The following PPP1CC variants were observed in gnomAD, a reference collection of about 807,000 sequenced individuals.
The protein encoded by PPP1CC is protein phosphatase 1 catalytic subunit gamma, also known as serine/threonine-protein phosphatase PP1-gamma catalytic subunit.
In PPP1CC, 16 loss-of-function variants were observed where a neutral mutation model predicts 38.4. That is an observed-to-expected ratio of 0.42 (90% CI 0.28 to 0.63). PPP1CC has a LOEUF of 0.63. PPP1CC is among the 30% of genes least tolerant of loss of function. PPP1CC has a pLI of 0.25. For missense variants in PPP1CC, 170 were observed against 391.3 expected, an observed-to-expected ratio of 0.43 and a Z score of 4.77; for synonymous variants, 158 against 136.0, an observed-to-expected ratio of 1.16 and a Z score of -1.13.
At chr12:110,741,760 G>A (rs2070019432) in intron 1 of PPP1CC, among the ~76,000 whole-genome samples, 2 of 152,204 alleles carry the variant, frequency 1.3e-5, no homozygotes, top group Non-Finnish European at 2.9e-5. Flanking sequence ...CCTTGGTTAA[G>A]TGACTTCATC....
At chr12:110,733,242 C>G (rs2069901560) in intron 1 of PPP1CC, among the ~76,000 whole-genome samples, 1 of 152,206 alleles carries the variant, frequency 6.6e-6, no homozygotes, top group African/African-American at 2.4e-5. Flanking sequence ...AAAACTTGGG[C>G]AGACTGCCCA....
the PPP1CC span, among the ~76,000 whole-genome samples, chr12:110,712,467 C>T: frequency 6.6e-6 from 1 of 150,760 alleles, no homozygotes; most frequent in Non-Finnish European, 1.5e-5. Context: ...TGGTGAAAAC[C>T]CGTCTCAACT....
chr12:110,721,814 C>A (rs1313027414), intron 6 of PPP1CC: 2 of 390,374 alleles, frequency 5.1e-6, no homozygotes, highest in Non-Finnish European at 9.1e-6. Flanking sequence ...GTACTTTTCA[C>A]ATTCAAGTGG....
Position 110,742,737 on chromosome 12 carries a change from G to A in PPP1CC, c.-30C>T. Reference sequence around the variant, plus strand: ...TTCCCACCGCCGACCCTCCCGCAGCGGCGCCGCCGCCGGCTCGCGCCCGGG... The same window carrying A: ...TTCCCACCGCCGACCCTCCCGCAGCAGCGCCGCCGCCGGCTCGCGCCCGGG... On this transcript the variant is annotated 5_prime_UTR_variant, in exon 1 of 7. Transcript: ENST00000335007. The A allele has an allele frequency of 7.2e-7, 1 of 1,386,736 alleles. No individual in the cohort carries two copies. The highest frequency in any genetic ancestry group is 9.4e-7 in the Non-Finnish European group (1 of 1,058,210). 85.9% of individuals were successfully genotyped at this position (1,386,736 alleles called of 1,614,324 possible).
Position 110,720,861 on chromosome 12 carries a change from G to A in PPP1CC, c.*215C>T, listed in dbSNP as rs190349752. 4.8e-4 allele frequency: 210 copies of A among 441,484 alleles called. 1 individual carries two copies. The highest frequency in any genetic ancestry group is 3.3e-3 in the Admixed American group (86 of 26,146). The allele number at this position is 441,484 out of a possible 1,614,324, so 27.3% of individuals were successfully genotyped here. ...TAAAATTGTTTGCAAAAGGAACAGA[G>A]AATTAAAAAACAAAACACTTTTCTT... On this transcript the variant is annotated 3_prime_UTR_variant, in exon 7 of 7. Coordinates refer to ENST00000335007, the MANE Select transcript of PPP1CC (RefSeq NM_002710.4).
chr12:110,712,635 CAAAAAAAAAAAAAAAA>C, the PPP1CC span, among the ~76,000 whole-genome samples: 4 of 37,666 alleles, frequency 1.1e-4, no homozygotes, highest in Non-Finnish European at 1.3e-4. Context: ...GAAACTGTCT[CAAAAAAAAAAAAAAAA>C]AAAAAAAAAA....
chr12:110,714,626 G>A, the PPP1CC span, among the ~76,000 whole-genome samples: 8 of 151,732 alleles, frequency 5.3e-5, no homozygotes, highest in Admixed American at 3.9e-4. Context: ...GGCCAACGTA[G>A]TAAAACCCCG....
intron 1 of PPP1CC, 23 bp from the exon 2 acceptor site, chr12:110,731,924 A>C: frequency 1.2e-6 from 2 of 1,606,944 alleles, no homozygotes; most frequent in Admixed American, 1.7e-5. Flanking sequence ...AATCGCAATT[A>C]GTCCAATGAA....
At chr12:110,732,056 A>C in intron 1 of PPP1CC, 155 bp from the exon 2 acceptor site, 1 of 743,554 alleles carries the variant, frequency 1.3e-6, no homozygotes, top group South Asian at 2.0e-5. Flanking sequence ...GTCTAATTAG[A>C]ATCTTAAAAT....
the PPP1CC span, among the ~76,000 whole-genome samples, chr12:110,708,850 CAAAAA>C: frequency 1.5e-5 from 1 of 65,432 alleles, no homozygotes; most frequent in African/African-American, 4.8e-5. Context: ...GAGTCCATCT[CAAAAA>C]AAAAAAAAAA....
intron 1 of PPP1CC, among the ~76,000 whole-genome samples, chr12:110,735,778 G>A (rs1361617913): frequency 2.0e-5 from 3 of 151,182 alleles, no homozygotes; most frequent in South Asian, 2.1e-4. Context: ...AAGAAACTCC[G>A]TCTCGGCCAG....
rs2069775816 is a variant in PPP1CC, at chr12:110,724,690, C to T, written c.493G>A (p.Val165Met). 1 of 1,613,162 alleles carries T rather than the reference C, an allele frequency of 6.2e-7. No homozygotes were observed. The highest frequency in any genetic ancestry group is 8.5e-7 in the Non-Finnish European group (1 of 1,179,276). The change falls in exon 4 of 7, where the codon GTG becomes ATG. Residue 165 changes from valine (V) to methionine (M), a missense_variant. Transcript: ENST00000335007. ...CFNCLPIAAI[V>M]DEKIFCCHGG... ...TGACAGCAGAATATCTTCTCATCCA[C>T]GATGGCTGCTATCGGTAAACAGTTA...
the PPP1CC span, among the ~76,000 whole-genome samples, chr12:110,713,241 T>G: frequency 6.6e-6 from 1 of 151,872 alleles, no homozygotes; most frequent in Non-Finnish European, 1.5e-5. Flanking sequence ...CAAGCAATTC[T>G]CCTGCCTCAG....
intron 3 of PPP1CC, among the ~76,000 whole-genome samples, chr12:110,729,786 G>A (rs2069851258): frequency 6.6e-6 from 1 of 152,138 alleles, no homozygotes; most frequent in South Asian, 2.1e-4. Context: ...GGGGACTATG[G>A]TGATGGTCGC....
At chr12:110,731,148 A>G (rs999139129) in intron 2 of PPP1CC, among the ~76,000 whole-genome samples, 2 of 151,912 alleles carry the variant, frequency 1.3e-5, no homozygotes, top group Non-Finnish European at 2.9e-5. Context: ...CTGCACTTCT[A>G]GTGAGTCTTG....
At position 110,742,832 on chromosome 12, in the gene PPP1CC, C is replaced by A; in HGVS notation, c.-125G>T. 1 of 606,262 alleles carries A rather than the reference C, an allele frequency of 1.6e-6. No individual in the cohort carries two copies. Among genetic ancestry groups the A allele is most frequent in the Admixed American group, 4.5e-5 (1 of 22,332 alleles). The allele number at this position is 606,262 out of a possible 1,614,324, so 37.6% of individuals were successfully genotyped here. Reference sequence around the variant, plus strand: ...GGCGGTGGCAGCAGCCGCGGCGGGTCCCCCCCCTGCCACCCCGCTCCCTAC... The same window carrying A: ...GGCGGTGGCAGCAGCCGCGGCGGGTACCCCCCCTGCCACCCCGCTCCCTAC... On this transcript the variant is annotated 5_prime_UTR_variant, in exon 1 of 7. Transcript: ENST00000335007.
chr12:110,712,798 G>A, the PPP1CC span, among the ~76,000 whole-genome samples: 27 of 151,834 alleles, frequency 1.8e-4, no homozygotes, highest in Non-Finnish European at 3.5e-4. Flanking sequence ...CAGGCTGGGC[G>A]TGGTGGCTCA....
Position 110,731,888 on chromosome 12 carries a change from C to T in PPP1CC, c.69G>A (p.Lys23=). 1 of 1,613,214 alleles carries T rather than the reference C, an allele frequency of 6.2e-7. No homozygotes were observed. Among genetic ancestry groups the T allele is most frequent in the Non-Finnish European group, 8.5e-7 (1 of 1,179,362 alleles). ...IQRLLEVRGS[K]PGKNVQLQEN... ...CCTGAAGCTGGACATTCTTACCAGGCTTGGACCCTCTCACTGCAAGAGAAA... is the reference window on the plus strand; with the variant it reads ...CCTGAAGCTGGACATTCTTACCAGGTTTGGACCCTCTCACTGCAAGAGAAA... The change falls in exon 2 of 7, where the codon AAG becomes AAA. Residue 23 remains lysine, a synonymous_variant. Coordinates refer to ENST00000335007, the MANE Select transcript of PPP1CC (RefSeq NM_002710.4).
Position 110,722,320 on chromosome 12 carries a change from A to G in PPP1CC, c.748-51T>C. ...AAATAGGTGCAAATATTAGGTGAGT[A>G]AAACCATGTTTCAGTTTCCCATTGA... On this transcript the variant is annotated intron_variant, in intron 5 of 6. Coordinates refer to ENST00000335007, the MANE Select transcript of PPP1CC (RefSeq NM_002710.4). The surrounding 1 kb of genome is among the most constrained non-coding windows in gnomAD (Gnocchi z 5.4). 6.3e-7 allele frequency: 1 copy of G among 1,597,068 alleles called. No homozygotes were observed. Among genetic ancestry groups the G allele is most frequent in the Non-Finnish European group, 8.6e-7 (1 of 1,167,754 alleles).
Sources: gnomAD v4.1 joint callset for allele counts (sites outside exome capture counted in the v4.1 genomes callset) on GRCh38, gnomAD v4.1.1 for gene constraint, Gnocchi (gnomAD v3.1) non-coding constraint, MANE v1.5 for transcripts, NCBI Gene and HGNC (gene_info 2026-07-23, HGNC 2026-07-21) for gene names.